The following WDFY3 variants were observed in gnomAD, a reference collection of about 807,000 sequenced individuals.
WDFY3 encodes the protein WD repeat and FYVE domain containing 3, also known as WD repeat and FYVE domain-containing protein 3.
Under a neutral mutation model 409.6 loss-of-function variants are expected in WDFY3, and 66 were observed. The ratio of observed to expected loss-of-function variants is 0.16; its 90% CI spans 0.13 to 0.20. WDFY3 has a LOEUF of 0.20. Ranked by LOEUF, WDFY3 falls within the 10% of genes least tolerant of loss-of-function variation. The probability of loss-of-function intolerance (pLI) is 1.00; values close to 1 mark genes in which losing one functional copy is unlikely to be tolerated. For synonymous variants in WDFY3, 1,521 were observed against 1,537.1 expected, an observed-to-expected ratio of 0.99 and a Z score of 0.25; for missense variants, 3,031 against 4,298.1, an observed-to-expected ratio of 0.71 and a Z score of 8.24.
At chr4:84,943,902 A>G (rs1772468764) in intron 1 of WDFY3, among the ~76,000 whole-genome samples, 1 of 152,220 alleles carries the variant, frequency 6.6e-6, no homozygotes. Context: ...ATTAGCAAGG[A>G]AGAGTAACTG....
intron 3 of WDFY3, among the ~76,000 whole-genome samples, chr4:84,881,158 A>G (rs1379919295): frequency 6.6e-6 from 1 of 152,142 alleles, no homozygotes; most frequent in African/African-American, 2.4e-5. Flanking sequence ...ATACATACGC[A>G]TCAATTGCTT....
intron 66 of WDFY3, 125 bp downstream of exon 66, chr4:84,678,043 C>A: frequency 2.0e-6 from 1 of 495,222 alleles, no homozygotes. Flanking sequence ...AAATTTATCT[C>A]TTTGAGCTAC....
chr4:84,745,086 T>C (rs950896642), intron 36 of WDFY3, among the ~76,000 whole-genome samples: 2 of 151,922 alleles, frequency 1.3e-5, no homozygotes, highest in African/African-American at 2.4e-5. Flanking sequence ...AGTTAAACTG[T>C]AGTCTACTGA....
At position 84,736,261 on chromosome 4, in the gene WDFY3, C is replaced by T. The variant is rs199971533; in HGVS notation, c.6824G>A (p.Arg2275His). Residue 2275 changes from arginine (R) to histidine (H), a missense_variant, in exon 42 of 68, where the codon CGT (arginine) becomes CAT (histidine). Arg to His is a conservative substitution (Grantham distance 29). Transcript: ENST00000295888. The part of the protein sequence containing the change: ...LAPTTQSKLS[R>H]VSSGFGLSKL... ...GGAAAGACCAAAGCCACTGCTGACA[C>T]GGGATAATTTGGACTGTGTGGTGGG... The T allele has an allele frequency of 2.5e-6, 4 of 1,613,568 alleles. No homozygotes were observed. The highest frequency in any genetic ancestry group is 3.4e-6 in the Non-Finnish European group (4 of 1,179,654).
rs1192568324 is a variant in WDFY3 at position 84,741,306 on chromosome 4, T to C, written c.6234+455A>G. Among the ~76,000 whole-genome samples the C allele has an allele frequency of 2.0e-5, 3 of 151,714 alleles. No homozygotes were observed. The East Asian group carries it at 5.8e-4, about 29-fold the overall frequency. On this transcript the variant is annotated intron_variant, in intron 38 of 67. Transcript: ENST00000295888. ...ATAGGGGAGGGGTTCAAAGTCTGTATCTCTATTCAGTTTTTTTTTTTTTTT... is the reference window on the plus strand; with the variant it reads ...ATAGGGGAGGGGTTCAAAGTCTGTACCTCTATTCAGTTTTTTTTTTTTTTT...
intron 32 of WDFY3, among the ~76,000 whole-genome samples, chr4:84,763,818 G>T (rs1743136595): frequency 6.6e-6 from 1 of 152,032 alleles, no homozygotes; most frequent in African/African-American, 2.4e-5. Flanking sequence ...ACCAATGAAG[G>T]ACAAAAAGAT....
At chr4:84,759,141 G>A (rs572177562) in intron 32 of WDFY3, among the ~76,000 whole-genome samples, 1 of 152,026 alleles carries the variant, frequency 6.6e-6, no homozygotes, top group Non-Finnish European at 1.5e-5. Context: ...TCTGAGGGCT[G>A]TGTTCTGTTC....
intron 36 of WDFY3, among the ~76,000 whole-genome samples, chr4:84,745,152 T>C (rs192002673): frequency 1.3e-5 from 2 of 152,290 alleles, no homozygotes; most frequent in East Asian, 3.9e-4. Context: ...CTTTCCAGTA[T>C]CTGATCCAGT....
intron 55 of WDFY3, among the ~76,000 whole-genome samples, chr4:84,702,892 C>T (rs1276046705): frequency 4.6e-5 from 7 of 152,020 alleles, no homozygotes; most frequent in Admixed American, 1.3e-4. Context: ...GTCAGGAGAT[C>T]GAGACCATCC....
intron 4 of WDFY3, among the ~76,000 whole-genome samples, chr4:84,856,875 C>T (rs1433260319): frequency 6.6e-6 from 1 of 152,156 alleles, no homozygotes; most frequent in Non-Finnish European, 1.5e-5. Flanking sequence ...GCTATTCACT[C>T]ACCATAGGTA....
chr4:84,677,961 CAA>C (rs986393073), intron 66 of WDFY3, among the ~76,000 whole-genome samples: 10 of 21,174 alleles, frequency 4.7e-4, no homozygotes, highest in African/African-American at 8.9e-4. Context: ...GACCCTGTCT[CAA>C]AAAAAAAAAA....
At chr4:84,957,363 TA>T (rs1210540598) in intron 1 of WDFY3, among the ~76,000 whole-genome samples, 1 of 152,156 alleles carries the variant, frequency 6.6e-6, no homozygotes, top group Non-Finnish European at 1.5e-5. Flanking sequence ...TATCATCTAT[TA>T]TACACAATCT....
intron 2 of WDFY3, among the ~76,000 whole-genome samples, chr4:84,917,534 A>AT (rs952669229): frequency 1.3e-5 from 2 of 152,162 alleles, no homozygotes; most frequent in Admixed American, 6.6e-5. Context: ...ATAATAGCAG[A>AT]TTTTTTTCTC....
At chr4:84,757,416 G>A (rs1385727187) in intron 32 of WDFY3, among the ~76,000 whole-genome samples, 1 of 152,160 alleles carries the variant, frequency 6.6e-6, no homozygotes. Context: ...ATACAAGGGA[G>A]TTTGAAAATC....
At position 84,864,133 on chromosome 4, in the gene WDFY3, G is replaced by A. The variant is rs182963423; in HGVS notation, c.-31-3511C>T. ...TGTAATCCCAGCATTTTGGGAGGACGAGGTGGGCGGATCACCTGACGTCAG... is the reference window on the plus strand; with the variant it reads ...TGTAATCCCAGCATTTTGGGAGGACAAGGTGGGCGGATCACCTGACGTCAG... On this transcript the variant is annotated intron_variant, in intron 3 of 67. Coordinates refer to ENST00000295888, the MANE Select transcript of WDFY3 (RefSeq NM_014991.6). Among the ~76,000 whole-genome samples, 413 of 152,148 alleles carry A rather than the reference G, an allele frequency of 2.7e-3. 3 individuals carry two copies. Among genetic ancestry groups the A allele is most frequent in the Non-Finnish European group, 4.3e-3 (295 of 68,010 alleles).
chr4:84,724,726 C>G (rs1213579453), intron 45 of WDFY3, 132 bp from the exon 46 acceptor site: 2 of 843,834 alleles, frequency 2.4e-6, no homozygotes, highest in Admixed American at 7.7e-5. Flanking sequence ...TATGTATATA[C>G]AGTAAATCCA....
At position 84,707,606 on chromosome 4, in the gene WDFY3, T is replaced by C. The variant is rs182272194; in HGVS notation, c.8217+1303A>G. Among the ~76,000 whole-genome samples, 75 of 152,322 alleles carry C rather than the reference T, an allele frequency of 4.9e-4. 1 individual carries two copies. In the Middle Eastern group the frequency reaches 0.014, roughly 28 times the overall value. On this transcript the variant is annotated intron_variant, in intron 53 of 67. Coordinates refer to ENST00000295888, the MANE Select transcript of WDFY3 (RefSeq NM_014991.6). ...CTGCCATGTTCCTATGAGATACATATTCAAATATGAGTTGACAAAGTACTC... is the reference window on the plus strand; with the variant it reads ...CTGCCATGTTCCTATGAGATACATACTCAAATATGAGTTGACAAAGTACTC...
Position 84,681,869 on chromosome 4 carries a change from T to C in WDFY3, c.9823+505A>G, listed in dbSNP as rs1727409304. On this transcript the variant is annotated intron_variant, in intron 64 of 67. Coordinates refer to ENST00000295888, the MANE Select transcript of WDFY3 (RefSeq NM_014991.6). ...AAATTTTAAATTGCTTCACAAATAA[T>C]GGACTATAGGTAACCAGGCTTCAGT... Among the ~76,000 whole-genome samples the C allele has an allele frequency of 2.0e-5, 3 of 152,346 alleles. No homozygotes were observed. In the South Asian group the frequency reaches 6.2e-4, roughly 32 times the overall value.
At chr4:84,783,443 G>A (rs1746929795) in intron 24 of WDFY3, among the ~76,000 whole-genome samples, 2 of 152,122 alleles carry the variant, frequency 1.3e-5, no homozygotes. Context: ...TGTGCCACTG[G>A]CACTCCACAC....
Sources: allele counts gnomAD v4.1 joint callset (sites outside exome capture counted in the v4.1 genomes callset), GRCh38; gene constraint gnomAD v4.1.1; transcripts MANE v1.5; gene names NCBI Gene and HGNC (gene_info 2026-07-23, HGNC 2026-07-21).